The following NXPH1 variants were observed in gnomAD, a reference collection of about 807,000 sequenced individuals.
NXPH1 encodes neurexophilin 1, also known as neurexophilin-1.
NXPH1 carries 5 observed loss-of-function variants against 23.7 expected under a neutral mutation model. The observed-to-expected ratio is 0.21, with a 90% CI of 0.11 to 0.44. NXPH1 has a LOEUF of 0.44. Among genes scored for constraint, NXPH1 ranks in the 20% least tolerant of loss-of-function variants. NXPH1 has a pLI of 0.99. For missense variants in NXPH1, 324 were observed against 321.6 expected, an observed-to-expected ratio of 1.01 and a Z score of -0.06; for synonymous variants, 144 against 122.2, an observed-to-expected ratio of 1.18 and a Z score of -1.18.
intron 2 of NXPH1, among the ~76,000 whole-genome samples, chr7:8,573,516 T>G (rs1194891025): frequency 6.6e-6 from 1 of 152,078 alleles, no homozygotes; most frequent in Non-Finnish European, 1.5e-5. Flanking sequence ...TAGTATGTAT[T>G]TGGCAACAAG....
intron 2 of NXPH1, among the ~76,000 whole-genome samples, chr7:8,560,105 T>A (rs926452144): frequency 6.6e-6 from 1 of 151,734 alleles, no homozygotes; most frequent in Admixed American, 6.6e-5. Context: ...CTTGAAAGAT[T>A]AATATAACTC....
At chr7:8,655,943 C>G (rs140649581) in intron 2 of NXPH1, among the ~76,000 whole-genome samples, 1 of 152,312 alleles carries the variant, frequency 6.6e-6, no homozygotes, top group East Asian at 1.9e-4. Flanking sequence ...TTTTGTTTTA[C>G]AATATTATAT....
At chr7:8,555,818 T>G (rs1325486343) in intron 2 of NXPH1, among the ~76,000 whole-genome samples, 5 of 151,754 alleles carry the variant, frequency 3.3e-5, no homozygotes, top group Admixed American at 2.0e-4. Context: ...GTCTACTTTA[T>G]ATTTTTTATC....
At chr7:8,726,131 C>G (rs546095282) in intron 2 of NXPH1, among the ~76,000 whole-genome samples, 1 of 152,114 alleles carries the variant, frequency 6.6e-6, no homozygotes, top group Non-Finnish European at 1.5e-5. Context: ...ATTATTGCTA[C>G]AAAGTGTGTT....
chr7:8,516,437 G>A (rs1817689052), intron 2 of NXPH1, among the ~76,000 whole-genome samples: 2 of 152,100 alleles, frequency 1.3e-5, no homozygotes, highest in Admixed American at 1.3e-4. Context: ...ATTACAGTGA[G>A]CATCAAATGA....
chr7:8,441,021 G>T (rs1816286771), intron 2 of NXPH1, among the ~76,000 whole-genome samples: 1 of 152,228 alleles, frequency 6.6e-6, no homozygotes, highest in Admixed American at 6.5e-5. Context: ...AAGTTAGGAA[G>T]TGTGCGTTCT....
intron 2 of NXPH1, among the ~76,000 whole-genome samples, chr7:8,734,488 G>T (rs1488539726): frequency 6.6e-6 from 1 of 152,148 alleles, no homozygotes; most frequent in African/African-American, 2.4e-5. Context: ...TCACAATATT[G>T]ACTCTTCCTA....
At chr7:8,623,339 A>G (rs1247367653) in intron 2 of NXPH1, among the ~76,000 whole-genome samples, 2 of 152,184 alleles carry the variant, frequency 1.3e-5, no homozygotes, top group African/African-American at 4.8e-5. Context: ...AAGTGATTGG[A>G]ACAGGTCAGG....
At chr7:8,732,447 G>A (rs1412316323) in intron 2 of NXPH1, among the ~76,000 whole-genome samples, 1 of 152,176 alleles carries the variant, frequency 6.6e-6, no homozygotes, top group East Asian at 1.9e-4. Context: ...TCATATAATA[G>A]CCTTGTTATG....
rs575547542 is a variant in NXPH1, at chr7:8,467,911, G to C, written c.54+32144G>C. Among the ~76,000 whole-genome samples, 51 of 152,010 alleles carry C rather than the reference G, an allele frequency of 3.4e-4. 2 individuals are homozygous for C. The South Asian group carries it at 6.8e-3, about 20-fold the overall frequency. On this transcript the variant is annotated intron_variant, in intron 2 of 2. Transcript: ENST00000405863. ...TTTTGAGTCAGCTTCTAAGTTTTTC[G>C]GGCATTGTATACTATCAGTATTATT...
intron 2 of NXPH1, among the ~76,000 whole-genome samples, chr7:8,724,332 G>GA (rs1780015398): frequency 6.6e-6 from 1 of 152,186 alleles, no homozygotes; most frequent in Non-Finnish European, 1.5e-5. Flanking sequence ...CCGGCTCTTT[G>GA]AAAAGGGTAA....
chr7:8,452,470 T>A (rs1241451964), intron 2 of NXPH1, among the ~76,000 whole-genome samples: 1 of 152,152 alleles, frequency 6.6e-6, no homozygotes, highest in African/African-American at 2.4e-5. Context: ...TAGGCTAGAA[T>A]CTCATTGACA....
At chr7:8,472,301 T>C (rs1009821893) in intron 2 of NXPH1, among the ~76,000 whole-genome samples, 1 of 152,164 alleles carries the variant, frequency 6.6e-6, no homozygotes, top group Admixed American at 6.6e-5. Flanking sequence ...ATAAATGATC[T>C]CTAAGGCCCT....
At chr7:8,506,826 A>G (rs1433422402) in intron 2 of NXPH1, among the ~76,000 whole-genome samples, 1 of 152,072 alleles carries the variant, frequency 6.6e-6, no homozygotes, top group Non-Finnish European at 1.5e-5. Context: ...AACAAATGCT[A>G]GGGTAGCTGC....
intron 2 of NXPH1, among the ~76,000 whole-genome samples, chr7:8,515,233 G>A (rs1340616976): frequency 6.6e-6 from 1 of 152,178 alleles, no homozygotes; most frequent in East Asian, 1.9e-4. Flanking sequence ...CTGGGCAGAT[G>A]TGTGTCTAGG....
chr7:8,659,600 G>A (rs945167930), intron 2 of NXPH1, among the ~76,000 whole-genome samples: 1 of 152,126 alleles, frequency 6.6e-6, no homozygotes, highest in Non-Finnish European at 1.5e-5. Context: ...GGGCAGTGGG[G>A]AGGGATACCA....
chr7:8,607,696 T>G (rs1819524495), intron 2 of NXPH1, among the ~76,000 whole-genome samples: 2 of 152,200 alleles, frequency 1.3e-5, no homozygotes. Flanking sequence ...TAGACCCCTT[T>G]GCTTTGTTAT....
Position 8,453,520 on chromosome 7 carries a change from G to A in NXPH1, c.54+17753G>A, listed in dbSNP as rs181448476. On this transcript the variant is annotated intron_variant, in intron 2 of 2. Transcript: ENST00000405863. ...ACAAATACGCTCTTACTCATGAGTT[G>A]TAAAGAACCATTTTCTTTAAGAAAA... is the stretch of plus-strand genomic sequence containing the variant. 3.5e-3 allele frequency among the ~76,000 whole-genome samples: 528 copies of A among 152,240 alleles called. 1 individual carries two copies. The highest frequency in any genetic ancestry group is 4.5e-3 in the Non-Finnish European group (307 of 68,002).
intron 2 of NXPH1, among the ~76,000 whole-genome samples, chr7:8,606,381 T>C (rs1048611282): frequency 6.6e-6 from 1 of 152,168 alleles, no homozygotes; most frequent in Non-Finnish European, 1.5e-5. Context: ...CGTTACTTGT[T>C]TGAACAATCT....
Sources: gnomAD v4.1 joint callset for allele counts (sites outside exome capture counted in the v4.1 genomes callset) on GRCh38, gnomAD v4.1.1 for gene constraint, MANE v1.5 for transcripts, NCBI Gene and HGNC (gene_info 2026-07-23, HGNC 2026-07-21) for gene names.